RASGRP3: variants seen among roughly 807,000 people sequenced by gnomAD.
RASGRP3 encodes the protein ras guanyl-releasing protein 3.
RASGRP3 carries 54 observed loss-of-function variants against 82.7 expected under a neutral mutation model. That is an observed-to-expected ratio of 0.65 (90% CI 0.52 to 0.82). The LOEUF (loss-of-function observed/expected upper bound fraction) is 0.82, where lower values mean the gene tolerates loss of function less well. RASGRP3 is among the 40% of genes least tolerant of loss of function. RASGRP3 has a pLI of 0.00. For missense variants in RASGRP3, 861 were observed against 828.9 expected (o/e 1.04, Z -0.48); for synonymous variants, 309 against 300.5 (o/e 1.03, Z -0.29).
At chr2:33,501,352 T>C (rs1486325741) in intron 1 of RASGRP3, among the ~76,000 whole-genome samples, 8 of 152,238 alleles carry the variant, frequency 5.3e-5, no homozygotes, top group African/African-American at 1.9e-4. Context: ...TTGTTTTCAC[T>C]TTGGGGAAAT....
intron 1 of RASGRP3, among the ~76,000 whole-genome samples, chr2:33,485,656 C>G (rs1668308334): frequency 6.6e-6 from 1 of 152,070 alleles, no homozygotes; most frequent in Admixed American, 6.6e-5. Context: ...ATATTCATTC[C>G]CATGAAATGT....
chr2:33,490,541 T>A lies in RASGRP3; in HGVS notation c.-261+13834T>A, dbSNP rs568290716. Reference sequence around the variant, plus strand: ...AGCTTCCATTCTATCCCTGGCCTCATGGCACAGCGTGCTTTTAAGTTTTCC... The same window carrying A: ...AGCTTCCATTCTATCCCTGGCCTCAAGGCACAGCGTGCTTTTAAGTTTTCC... On this transcript the variant is annotated intron_variant, in intron 1 of 17. Coordinates refer to ENST00000403687, the MANE Select transcript of RASGRP3 (RefSeq NM_001139488.2). 3.3e-5 allele frequency among the ~76,000 whole-genome samples: 5 copies of A among 152,348 alleles called. No individual in the cohort carries two copies. The South Asian group carries it at 1.0e-3, about 32-fold the overall frequency.
chr2:33,554,846 A>G (rs1210868754), intron 14 of RASGRP3, among the ~76,000 whole-genome samples: 1 of 151,854 alleles, frequency 6.6e-6, no homozygotes, highest in Admixed American at 6.6e-5. Context: ...ATGTCCCTGA[A>G]CCCCCTGGGC....
At chr2:33,520,823 G>A in intron 6 of RASGRP3, 139 bp downstream of exon 6, 1 of 1,180,990 alleles carries the variant, frequency 8.5e-7, no homozygotes, top group Non-Finnish European at 1.2e-6. Flanking sequence ...GCTGCAGTGA[G>A]CGCAAGCCGT....
rs147267214 is a variant in RASGRP3 at position 33,547,466 on chromosome 2, G to T, written c.1395-2138G>T. Reference sequence around the variant, plus strand: ...TAAGAAAGGGATCTTAAGTTCTCAAGCCTGGGGGAAAATTGTGGCACAGCA... The same window carrying T: ...TAAGAAAGGGATCTTAAGTTCTCAATCCTGGGGGAAAATTGTGGCACAGCA... On this transcript the variant is annotated intron_variant, in intron 13 of 17. Coordinates refer to ENST00000403687, the MANE Select transcript of RASGRP3 (RefSeq NM_001139488.2). Among the ~76,000 whole-genome samples, 413 of 144,710 alleles carry T rather than the reference G, an allele frequency of 2.9e-3. 3 individuals carry two copies. The highest frequency in any genetic ancestry group is 9.9e-3 in the African/African-American group (385 of 38,862). The allele number at this position is 144,710 out of a possible 152,430, so 94.9% of individuals were successfully genotyped here.
intron 1 of RASGRP3, among the ~76,000 whole-genome samples, chr2:33,503,182 TGA>T (rs1329396273): frequency 2.6e-5 from 4 of 152,358 alleles, no homozygotes; most frequent in African/African-American, 9.6e-5. Flanking sequence ...TTTCTCACTG[TGA>T]TTTATGCTCT....
chr2:33,524,893 C>G (rs372610432), intron 9 of RASGRP3, among the ~76,000 whole-genome samples: 2 of 151,708 alleles, frequency 1.3e-5, no homozygotes, highest in Non-Finnish European at 2.9e-5. Flanking sequence ...TCCTGGCTAA[C>G]GTGGTGAAAC....
At chr2:33,461,754 A>C (rs1254066491) in intron 2 of RASGRP3, among the ~76,000 whole-genome samples, 3 of 152,234 alleles carry the variant, frequency 2.0e-5, no homozygotes, top group Non-Finnish European at 4.4e-5. Context: ...TCTACACACA[A>C]AGTTATAAGT....
At position 33,542,611 on chromosome 2, in the gene RASGRP3, T is replaced by G. The variant is rs75989954; in HGVS notation, c.1279-901T>G. Among the ~76,000 whole-genome samples the G allele has an allele frequency of 3.6e-3, 526 of 147,348 alleles. 54 individuals are homozygous for G. The highest frequency in any genetic ancestry group is 0.018 in the Middle Eastern group (5 of 278). On this transcript the variant is annotated intron_variant, in intron 12 of 17. Coordinates refer to ENST00000403687, the MANE Select transcript of RASGRP3 (RefSeq NM_001139488.2). ...TCTACTCAACCCTGAGGTTTCAGTT[T>G]AAACCTTGCTTTTCCCAGGAAACCT...
At position 33,537,330 on chromosome 2, in the gene RASGRP3, C is replaced by CCCCCCCA. The variant is rs66749495; in HGVS notation, c.1162-1763_1162-1762insCCCCCAC. On this transcript the variant is annotated intron_variant, in intron 11 of 17. Coordinates refer to ENST00000403687, the MANE Select transcript of RASGRP3 (RefSeq NM_001139488.2). ...TACACACACACACACACCGCCCCCCCCACACACACACACAAGTATATATAT... is the reference window on the plus strand; with the variant it reads ...TACACACACACACACACCGCCCCCCCCCCCCCACACACACACACACAAGTATATATAT... 2.4e-3 allele frequency among the ~76,000 whole-genome samples: 231 copies of CCCCCCCA among 95,620 alleles called. 10 individuals carry two copies. The highest frequency in any genetic ancestry group is 6.1e-3 in the Middle Eastern group (1 of 164). 62.7% of individuals were successfully genotyped at this position (95,620 alleles called of 152,430 possible). A position where few individuals can be genotyped will look rare whatever the true frequency, so the allele number is the denominator to read the frequency against.
intron 1 of RASGRP3, among the ~76,000 whole-genome samples, chr2:33,506,786 A>T (rs1670418273): frequency 6.6e-6 from 1 of 152,232 alleles, no homozygotes; most frequent in South Asian, 2.1e-4. Flanking sequence ...CTTTGGAGAT[A>T]CTGCCTCACC....
chr2:33,455,179 G>GA (rs1665977067), intron 2 of RASGRP3, among the ~76,000 whole-genome samples: 1 of 152,098 alleles, frequency 6.6e-6, no homozygotes, highest in Non-Finnish European at 1.5e-5. Context: ...ATGGATGTAA[G>GA]AAAAAAGTCC....
intron 2 of RASGRP3, among the ~76,000 whole-genome samples, chr2:33,462,635 C>T (rs547568115): frequency 6.6e-6 from 1 of 152,272 alleles, no homozygotes; most frequent in East Asian, 1.9e-4. Flanking sequence ...GCCTCAGCCT[C>T]CCAAAGTACT....
intron 1 of RASGRP3, among the ~76,000 whole-genome samples, chr2:33,486,971 A>C (rs1668452731): frequency 6.6e-6 from 1 of 152,214 alleles, no homozygotes; most frequent in South Asian, 2.1e-4. Flanking sequence ...ACCATATATA[A>C]AAATAGACAA....
chr2:33,560,655 AG>A (rs1676545716), intron 17 of RASGRP3, among the ~76,000 whole-genome samples: 1 of 152,226 alleles, frequency 6.6e-6, no homozygotes, highest in Non-Finnish European at 1.5e-5. Flanking sequence ...CAGCCTGCAG[AG>A]GCTGTTTCCG....
chr2:33,493,894 C>T (rs897817560), intron 1 of RASGRP3, among the ~76,000 whole-genome samples: 1 of 152,106 alleles, frequency 6.6e-6, no homozygotes, highest in Non-Finnish European at 1.5e-5. Flanking sequence ...TGTTTCATTT[C>T]TCCGTATCAA....
intron 14 of RASGRP3, 73 bp from the exon 15 acceptor site, chr2:33,555,458 C>A: frequency 1.5e-6 from 2 of 1,368,292 alleles, no homozygotes; most frequent in South Asian, 1.3e-5. Flanking sequence ...CCCAGGACTT[C>A]CTTTTCAGTG....
At chr2:33,445,402 T>G (rs1042472547) in intron 1 of RASGRP3, among the ~76,000 whole-genome samples, 6 of 152,226 alleles carry the variant, frequency 3.9e-5, no homozygotes, top group Non-Finnish European at 7.3e-5. Context: ...GTCAGAAAAT[T>G]CTGAAATCAA....
At chr2:33,443,960 G>A (rs994498074) in intron 1 of RASGRP3, among the ~76,000 whole-genome samples, 11 of 151,996 alleles carry the variant, frequency 7.2e-5, no homozygotes, top group African/African-American at 2.7e-4. Flanking sequence ...ATTTCCTAGT[G>A]ACCACATTTC....
Sources: allele counts gnomAD v4.1 joint callset (sites outside exome capture counted in the v4.1 genomes callset), GRCh38; gene constraint gnomAD v4.1.1; transcripts MANE v1.5; gene names NCBI Gene and HGNC (gene_info 2026-07-23, HGNC 2026-07-21).